Variants in TMEM132C observed in about 807,000 individuals in gnomAD.
TMEM132C encodes the protein protein phosphatase 1, regulatory subunit 152.
A neutral mutation model predicts 61.4 loss-of-function variants in TMEM132C; 29 were observed. The observed-to-expected ratio is 0.47, with a 90% CI of 0.35 to 0.64. TMEM132C has a LOEUF of 0.64. Among genes scored for constraint, TMEM132C ranks in the 30% least tolerant of loss-of-function variants. The pLI, the probability that TMEM132C is intolerant of heterozygous loss-of-function variation, is 0.00. For missense variants in TMEM132C, 1,408 were observed against 1,476.9 expected, an observed-to-expected ratio of 0.95 and a Z score of 0.76; for synonymous variants, 656 against 633.1, an observed-to-expected ratio of 1.04 and a Z score of -0.54.
At chr12:128,272,555 A>C (rs1296743500) in intron 1 of TMEM132C, among the ~76,000 whole-genome samples, 9 of 152,352 alleles carry the variant, frequency 5.9e-5, no homozygotes, top group Admixed American at 5.9e-4. Context: ...GGTTGTATGC[A>C]GACTGTATAT....
At chr12:128,672,262 G>A (rs1419499972) in intron 5 of TMEM132C, among the ~76,000 whole-genome samples, 1 of 152,052 alleles carries the variant, frequency 6.6e-6, no homozygotes, top group East Asian at 1.9e-4. Context: ...GACAGCACAG[G>A]TCCTTGTTGG....
chr12:128,450,248 T>G (rs1870133813), intron 2 of TMEM132C, among the ~76,000 whole-genome samples: 1 of 152,218 alleles, frequency 6.6e-6, no homozygotes, highest in African/African-American at 2.4e-5. Context: ...AAGAGTCACT[T>G]GTGGCTACTG....
intron 2 of TMEM132C, among the ~76,000 whole-genome samples, chr12:128,438,659 T>C (rs1245491441): frequency 3.3e-5 from 5 of 152,208 alleles, no homozygotes. Flanking sequence ...AATATGGTGG[T>C]ATTTAGTACA....
At chr12:128,319,416 T>C (rs1172446455) in intron 1 of TMEM132C, among the ~76,000 whole-genome samples, 1 of 151,778 alleles carries the variant, frequency 6.6e-6, no homozygotes, top group African/African-American at 2.4e-5. Flanking sequence ...TTGGGCCAAG[T>C]GCGGTTCACG....
intron 4 of TMEM132C, among the ~76,000 whole-genome samples, chr12:128,643,578 T>G (rs1028286381): frequency 6.6e-6 from 1 of 152,036 alleles, no homozygotes; most frequent in South Asian, 2.1e-4. Flanking sequence ...ATTCGGACAC[T>G]GTATTTGCTG....
intron 3 of TMEM132C, among the ~76,000 whole-genome samples, chr12:128,577,481 G>T (rs373513518): frequency 6.6e-6 from 1 of 152,174 alleles, no homozygotes; most frequent in South Asian, 2.1e-4. Context: ...GGTGACACTC[G>T]CTTTTCCAGG....
chr12:128,379,789 G>A (rs4882750), intron 1 of TMEM132C, among the ~76,000 whole-genome samples: 114,880 of 152,154 alleles, frequency 0.76, 46,143 homozygotes, highest in Non-Finnish European at 0.9. Context: ...ATGTTCTGGG[G>A]CTTGGGCATG....
chr12:128,594,022 C>T (rs1003316738), intron 3 of TMEM132C, among the ~76,000 whole-genome samples: 8 of 147,664 alleles, frequency 5.4e-5, no homozygotes, highest in South Asian at 2.2e-4. Context: ...CTCTCAATGC[C>T]GGCCCACCCA....
At chr12:128,674,907 C>T (rs748143138) in intron 5 of TMEM132C, among the ~76,000 whole-genome samples, 6 of 151,820 alleles carry the variant, frequency 4.0e-5, no homozygotes, top group Admixed American at 6.6e-5. Flanking sequence ...TAGCTCCCAC[C>T]GGCACCTTCT....
chr12:128,274,606 G>A (rs1169518704), intron 1 of TMEM132C, among the ~76,000 whole-genome samples: 1 of 152,222 alleles, frequency 6.6e-6, no homozygotes, highest in East Asian at 1.9e-4. Context: ...GAAGCTGCCA[G>A]GTGCTGGGTT....
intron 2 of TMEM132C, among the ~76,000 whole-genome samples, chr12:128,503,744 A>G (rs1872259117): frequency 6.6e-6 from 1 of 152,228 alleles, no homozygotes; most frequent in Non-Finnish European, 1.5e-5. Flanking sequence ...CCGGCTAAGT[A>G]TCTTGCTCAA....
chr12:128,504,968 TTTACTTACTACTTTACGTAGTAAGTAAGA>T (rs150403982), intron 2 of TMEM132C, among the ~76,000 whole-genome samples: 65 of 150,546 alleles, frequency 4.3e-4, no homozygotes, highest in African/African-American at 1.3e-3. Flanking sequence ...TTTTGGGGAC[TTTACTTACTACTTTACGTAGTAAGTAAGA>T]TTACTTACTA....
intron 2 of TMEM132C, among the ~76,000 whole-genome samples, chr12:128,527,401 G>A (rs1873123501): frequency 6.6e-6 from 1 of 152,198 alleles, no homozygotes; most frequent in Non-Finnish European, 1.5e-5. Context: ...CTTGAGGGGT[G>A]AGTTAGTAGG....
At position 128,518,756 on chromosome 12, in the gene TMEM132C, GGT is replaced by G. The variant is rs935793530; in HGVS notation, c.975-25184_975-25183del. Among the ~76,000 whole-genome samples the G allele has an allele frequency of 7.2e-4, 108 of 149,754 alleles. 1 individual carries two copies. The highest frequency in any genetic ancestry group is 9.2e-4 in the African/African-American group (38 of 41,082). Reference sequence around the variant, plus strand: ...TGCATGTGTGTGCGTGTGTGTGTGTGGTGTGTGTGTGTGTGTGTATGCACAGG... The same window carrying G: ...TGCATGTGTGTGCGTGTGTGTGTGTGGTGTGTGTGTGTGTGTATGCACAGG... On this transcript the variant is annotated intron_variant, in intron 2 of 8. Coordinates refer to ENST00000435159, the MANE Select transcript of TMEM132C (RefSeq NM_001136103.3).
chr12:128,436,712 T>C (rs1869605066), intron 2 of TMEM132C, among the ~76,000 whole-genome samples: 1 of 152,202 alleles, frequency 6.6e-6, no homozygotes. Flanking sequence ...TGTAAACTAG[T>C]TCAATCATTG....
chr12:128,529,942 G>GA (rs1873228094), intron 2 of TMEM132C, among the ~76,000 whole-genome samples: 1 of 152,126 alleles, frequency 6.6e-6, no homozygotes, highest in South Asian at 2.1e-4. Context: ...TGTTAGGCAC[G>GA]ATAATGGCAA....
chr12:128,694,329 T>G (rs529143048), intron 6 of TMEM132C, among the ~76,000 whole-genome samples: 151 of 152,334 alleles, frequency 9.9e-4, no homozygotes, highest in African/African-American at 3.4e-3. Context: ...TACCAGGTAA[T>G]TTGAAGTTTG....
intron 3 of TMEM132C, among the ~76,000 whole-genome samples, chr12:128,586,619 T>C (rs1165434780): frequency 1.3e-5 from 2 of 152,242 alleles, no homozygotes. Flanking sequence ...CCTCTGTATC[T>C]TCCTTGTTTT....
At chr12:128,428,931 T>C (rs1167717757) in intron 2 of TMEM132C, among the ~76,000 whole-genome samples, 3 of 152,222 alleles carry the variant, frequency 2.0e-5, no homozygotes, top group South Asian at 2.1e-4. Flanking sequence ...ATTAACTCCA[T>C]TTTCAATGCA....
Sources: gnomAD v4.1 joint callset for allele counts (sites outside exome capture counted in the v4.1 genomes callset) on GRCh38, gnomAD v4.1.1 for gene constraint, MANE v1.5 for transcripts, NCBI Gene and HGNC (gene_info 2026-07-23, HGNC 2026-07-21) for gene names.